Variants in GALNT15 observed in about 807,000 individuals in gnomAD.
GALNT15 encodes UDP-GalNAc transferase T15.
In GALNT15, 67 loss-of-function variants were observed where a neutral mutation model predicts 66.8. That is an observed-to-expected ratio of 1.00 (90% CI 0.82 to 1.23). The LOEUF (loss-of-function observed/expected upper bound fraction) is 1.23. GALNT15 is among the 50% of genes most tolerant of loss of function. GALNT15 has a pLI of 0.00. For synonymous variants in GALNT15, 313 were observed against 311.5 expected, an observed-to-expected ratio of 1.00 and a Z score of -0.05; for missense variants, 827 against 804.3, an observed-to-expected ratio of 1.03 and a Z score of -0.34.
At position 16,189,651 on chromosome 3, in the gene GALNT15, G is replaced by A. The variant is rs1453718702; in HGVS notation, c.540-6109G>A. Among the ~76,000 whole-genome samples, 1 of 152,178 alleles carries A rather than the reference G, an allele frequency of 6.6e-6. No individual in the cohort carries two copies. Among genetic ancestry groups the A allele is most frequent in the Admixed American group, 6.5e-5 (1 of 15,288 alleles). On this transcript the variant is annotated intron_variant, in intron 1 of 9. Transcript: ENST00000339732. The surrounding 1 kb of genome is among the most constrained non-coding windows in gnomAD (Gnocchi z 5.1). ...TCCTCATTTTATAGATGAAGAAATTGAAGCTAGAAAGATATCCAGGCACAT... is the reference window on the plus strand; with the variant it reads ...TCCTCATTTTATAGATGAAGAAATTAAAGCTAGAAAGATATCCAGGCACAT...
At chr3:16,213,452 C>CCA (rs2063839991) in intron 6 of GALNT15, among the ~76,000 whole-genome samples, 1 of 63,862 alleles carries the variant, frequency 1.6e-5, no homozygotes, top group Non-Finnish European at 2.7e-5. Context: ...AACTCCATCT[C>CCA]AAAAAAAAAA....
rs1164976010 is a variant in GALNT15 at position 16,203,543 on chromosome 3, TCACA to T, written c.911+2763_911+2766del. Among the ~76,000 whole-genome samples the T allele has an allele frequency of 7.9e-3, 482 of 61,050 alleles. 4 individuals carry two copies. The highest frequency in any genetic ancestry group is 0.033 in the South Asian group (51 of 1,538). 40.1% of individuals were successfully genotyped at this position (61,050 alleles called of 152,430 possible). A position where few individuals can be genotyped will look rare whatever the true frequency, so the allele number is the denominator to read the frequency against. The stretch of plus-strand genomic sequence containing the variant: ...CATTCTCTCTCTCTCTCTCTCTCTC[TCACA>T]CACACACACACACACACACACACAC... On this transcript the variant is annotated intron_variant, in intron 3 of 9. Transcript: ENST00000339732. This position sits in a 1 kb window ranked among gnomAD's most constrained non-coding sequence, Gnocchi z 6.2.
In GALNT15 at chr3:16,225,299, G is replaced by C. The variant is rs573240647; in HGVS notation, c.1774-2055G>C. The stretch of plus-strand genomic sequence containing the variant: ...AGCACTGGGAATTACAATTCAACAT[G>C]AGATTTAGGGAGGACCAACATCCAA... On this transcript the variant is annotated intron_variant, in intron 9 of 9. Transcript: ENST00000339732. The surrounding 1 kb of genome is among the most constrained non-coding windows in gnomAD (Gnocchi z 4.4). 1.1e-4 allele frequency among the ~76,000 whole-genome samples: 16 copies of C among 152,182 alleles called. No individual in the cohort carries two copies. The highest frequency in any genetic ancestry group is 2.1e-4 in the Non-Finnish European group (14 of 68,026).
rs938232448 is a variant in GALNT15, at chr3:16,182,971, G to A, written c.539+7281G>A. ...ACTTCTTGAGATGGAGGATCTGGCA[G>A]GTTTCTCTGGCCGCTAGCCTGGGGA... On this transcript the variant is annotated intron_variant, in intron 1 of 9. Transcript: ENST00000339732. This position sits in a 1 kb window ranked among gnomAD's most constrained non-coding sequence, Gnocchi z 6.1. 2 of 152,384 alleles carry A rather than the reference G, an allele frequency of 1.3e-5. No individual in the cohort carries two copies. The highest frequency in any genetic ancestry group is 4.8e-5 in the African/African-American group (2 of 41,458). The allele number at this position is 152,384 out of a possible 1,614,324, so 9.4% of individuals were successfully genotyped here.
chr3:16,219,802 T>C lies in GALNT15; in HGVS notation c.1525-108T>C. On this transcript the variant is annotated intron_variant, in intron 7 of 9. Transcript: ENST00000339732. The surrounding 1 kb of genome is among the most constrained non-coding windows in gnomAD (Gnocchi z 4.3). ...ACACCTGTTGTTGTGGCCTGAACAA[T>C]GTGCCTTGGGCTGCACTCCAGAGAA... 1 of 980,006 alleles carries C rather than the reference T, an allele frequency of 1.0e-6. No homozygotes were observed. The highest frequency in any genetic ancestry group is 1.4e-5 in the South Asian group (1 of 72,724). The allele number at this position is 980,006 out of a possible 1,614,324, so 60.7% of individuals were successfully genotyped here.
intron 3 of GALNT15, 91 bp from the exon 4 acceptor site, chr3:16,208,412 C>T: frequency 5.4e-6 from 7 of 1,302,534 alleles, no homozygotes; most frequent in South Asian, 4.5e-5. Context: ...TGTCTGGTAG[C>T]CACCATACTG....
At chr3:16,208,443 T>C in intron 3 of GALNT15, 60 bp from the exon 4 acceptor site, 1 of 1,578,722 alleles carries the variant, frequency 6.3e-7, no homozygotes, top group Non-Finnish European at 8.7e-7. Context: ...GTACAGACTG[T>C]TTCCAGCCCC....
At position 16,179,173 on chromosome 3, in the gene GALNT15, T is replaced by C. The variant is rs574447055; in HGVS notation, c.539+3483T>C. 1.4e-3 allele frequency among the ~76,000 whole-genome samples: 210 copies of C among 152,366 alleles called. 1 individual carries two copies. The highest frequency in any genetic ancestry group is 2.6e-3 in the Non-Finnish European group (177 of 68,032). Reference sequence around the variant, plus strand: ...TTACAGTGAACATTTATTGAGCACTTACTATGTGCTAGAGGCTCTGCTAAG... The same window carrying C: ...TTACAGTGAACATTTATTGAGCACTCACTATGTGCTAGAGGCTCTGCTAAG... On this transcript the variant is annotated intron_variant, in intron 1 of 9. Transcript: ENST00000339732.
the GALNT15 span, among the ~76,000 whole-genome samples, chr3:16,240,713 A>G: frequency 8.3e-6 from 1 of 120,486 alleles, no homozygotes; most frequent in East Asian, 2.3e-4. Context: ...CATGAACCTC[A>G]GATTCACACA....
chr3:16,231,352 T>G (rs2064080208), downstream of GALNT15, among the ~76,000 whole-genome samples: 2 of 152,178 alleles, frequency 1.3e-5, no homozygotes, highest in Non-Finnish European at 2.9e-5. The surrounding 1 kb of genome is among the most constrained non-coding windows in gnomAD (Gnocchi z 4.1). Context: ...CAATCTCAAA[T>G]CTTCTTTCCA....
chr3:16,240,085 G>A, the GALNT15 span, among the ~76,000 whole-genome samples: 3 of 152,194 alleles, frequency 2.0e-5, no homozygotes, highest in Admixed American at 6.5e-5. Flanking sequence ...GCATCTGGCC[G>A]ATACTCATGA....
intron 6 of GALNT15, among the ~76,000 whole-genome samples, chr3:16,212,982 A>T (rs1220393718): frequency 6.6e-6 from 1 of 152,062 alleles, no homozygotes; most frequent in East Asian, 1.9e-4. Flanking sequence ...CTTGGCCTGA[A>T]GCTCCCTAAC....
Position 16,191,318 on chromosome 3 carries a change from G to T in GALNT15, c.540-4442G>T, listed in dbSNP as rs536754975. ...TTTCAAGGCTGGAAGAGCCTGAGAG[G>T]TACCTCTTGTAGTAATGGGACATCT... On this transcript the variant is annotated intron_variant, in intron 1 of 9. Coordinates refer to ENST00000339732, the MANE Select transcript of GALNT15 (RefSeq NM_054110.5). This position sits in a 1 kb window ranked among gnomAD's most constrained non-coding sequence, Gnocchi z 5.2. The T allele has an allele frequency of 8.1e-6, 8 of 985,180 alleles. No homozygotes were observed. In the African/African-American group the frequency reaches 1.0e-4, roughly 13 times the overall value. The allele number at this position is 985,180 out of a possible 1,614,324, so 61.0% of individuals were successfully genotyped here.
chr3:16,217,103 C>T (rs1215872345), intron 6 of GALNT15, among the ~76,000 whole-genome samples: 1 of 152,202 alleles, frequency 6.6e-6, no homozygotes, highest in Non-Finnish European at 1.5e-5. Context: ...CTCTTAGAAG[C>T]TATTGACCCT....
Position 16,227,738 on chromosome 3 carries a change from T to C in GALNT15, c.*238T>C. ...TCCATTGTACCGTTGTCTTCATCAC[T>C]GGGAAATGATTATTACATAGTACAG... On this transcript the variant is annotated 3_prime_UTR_variant, in exon 10 of 10. Coordinates refer to ENST00000339732, the MANE Select transcript of GALNT15 (RefSeq NM_054110.5). The surrounding 1 kb of genome is among the most constrained non-coding windows in gnomAD (Gnocchi z 4.5). 7.4e-7 allele frequency: 1 copy of C among 1,353,698 alleles called. No individual in the cohort carries two copies. Among genetic ancestry groups the C allele is most frequent in the South Asian group, 1.6e-5 (1 of 62,136 alleles). The allele number at this position is 1,353,698 out of a possible 1,614,324, so 83.9% of individuals were successfully genotyped here. A position where few individuals can be genotyped will look rare whatever the true frequency, so the allele number is the denominator to read the frequency against.
At chr3:16,223,710 T>TG in intron 9 of GALNT15, among the ~76,000 whole-genome samples, 1 of 136,514 alleles carries the variant, frequency 7.3e-6, no homozygotes, top group East Asian at 2.1e-4. Flanking sequence ...TTTTTTTTTT[T>TG]GGGACAGTGT....
chr3:16,213,256 C>A (rs1382378391), intron 6 of GALNT15, among the ~76,000 whole-genome samples: 1 of 151,816 alleles, frequency 6.6e-6, no homozygotes, highest in East Asian at 1.9e-4. Context: ...GAGATCGAGA[C>A]CATCCTGGCT....
downstream of GALNT15, among the ~76,000 whole-genome samples, chr3:16,236,741 C>G (rs1450741103): frequency 6.6e-6 from 1 of 152,146 alleles, no homozygotes; most frequent in Non-Finnish European, 1.5e-5. Context: ...TAGGAATAAG[C>G]AAATTATTTT....
At chr3:16,190,571 G>C (rs188380401) in intron 1 of GALNT15, among the ~76,000 whole-genome samples, 3 of 151,464 alleles carry the variant, frequency 2.0e-5, no homozygotes, top group Non-Finnish European at 2.9e-5. Context: ...CCGGGAGGCG[G>C]AGCTTGCAGT....
Sources: gnomAD v4.1 joint callset for allele counts (sites outside exome capture counted in the v4.1 genomes callset) on GRCh38, gnomAD v4.1.1 for gene constraint, Gnocchi (gnomAD v3.1) non-coding constraint, MANE v1.5 for transcripts, NCBI Gene and HGNC (gene_info 2026-07-23, HGNC 2026-07-21) for gene names.